The following TBR1 variants were observed in gnomAD, a reference collection of about 807,000 sequenced individuals.
The protein encoded by TBR1 is T-box brain transcription factor 1.
Under a neutral mutation model 60.3 loss-of-function variants are expected in TBR1, and 7 were observed. The observed-to-expected ratio is 0.12, with a 90% CI of 0.07 to 0.22. The LOEUF (loss-of-function observed/expected upper bound fraction) is 0.22. Ranked by LOEUF, TBR1 falls within the 10% of genes least tolerant of loss-of-function variation. The probability of loss-of-function intolerance (pLI) is 1.00; values close to 1 mark genes in which losing one functional copy is unlikely to be tolerated. For synonymous variants in TBR1, 417 were observed against 409.9 expected (o/e 1.02, Z -0.21); for missense variants, 616 against 936.8 (o/e 0.66, Z 4.47).
Position 161,417,808 on chromosome 2 carries a change from C to T in TBR1, c.825C>T (p.Gly275=). The T allele has an allele frequency of 6.2e-7, 1 of 1,614,098 alleles. No homozygotes were observed. Among genetic ancestry groups the T allele is most frequent in the Non-Finnish European group, 8.5e-7 (1 of 1,180,030 alleles). ...RFQGGKWVPC[G]KADTNVQGNR... is the part of the protein sequence containing the mutation. The stretch of plus-strand genomic sequence containing the variant: ...AAGGAGGCAAATGGGTTCCTTGCGG[C>T]AAAGCGGACACCAATGTGCAAGGCA... Residue 275 remains glycine (G), a synonymous_variant, in exon 2 of 6, where the codon GGC becomes GGT. Transcript: ENST00000389554. This position sits in a 1 kb window ranked among gnomAD's most constrained non-coding sequence, Gnocchi z 5.3.
intron 5 of TBR1, chr2:161,421,023 T>C (rs1426465202): frequency 6.6e-6 from 1 of 152,310 alleles, no homozygotes; most frequent in East Asian, 1.9e-4. Context: ...GGCTGTTCTC[T>C]GGGGCCAACA....
In TBR1 at chr2:161,424,108, G is replaced by T; in HGVS notation, c.1930G>T (p.Asp644Tyr). The change falls in exon 6 of 6, where the codon GAC becomes TAC. Residue 644 changes from aspartate (D) to tyrosine (Y), a missense_variant. Physicochemically the swap from Asp to Tyr is radical, Grantham distance 160. Transcript: ENST00000389554. This position sits in a 1 kb window ranked among gnomAD's most constrained non-coding sequence, Gnocchi z 4.4. ...CAAGCGGAGGCGGATCTCGCCGGCC[G>T]ACACGCCCGTGTCCGAGAGTTCGTC... is the stretch of plus-strand genomic sequence containing the variant. ...QAKRRRISPA[D>Y]TPVSESSSPL... 6.2e-7 allele frequency: 1 copy of T among 1,612,266 alleles called. No homozygotes were observed. The highest frequency in any genetic ancestry group is 1.3e-5 in the African/African-American group (1 of 75,048).
intron 4 of TBR1, 190 bp from the exon 5 acceptor site, chr2:161,420,006 T>G (rs544616576): frequency 4.6e-6 from 2 of 431,114 alleles, no homozygotes; most frequent in East Asian, 7.7e-5. Context: ...AACATGTTCC[T>G]CATAACTTTC....
chr2:161,421,722 G>T (rs55732192), intron 5 of TBR1: 11,643 of 152,176 alleles, frequency 0.077, 565 homozygotes, highest in East Asian at 0.14. Context: ...TTTGCACCTT[G>T]CTAGTTATGT....
Position 161,423,826 on chromosome 2 carries a change from C to A in TBR1, c.1648C>A (p.Pro550Thr). The change falls in exon 6 of 6, where the codon CCC becomes ACC. Residue 550 changes from proline (P) to threonine (T), a missense_variant. Around this residue, in one of 8 missense-constraint regions of TBR1, gnomAD observed 210 missense variants for 297.4 expected, o/e 0.71. Transcript: ENST00000389554. ...CCCGTCGGGCTGGGGCGCCCGCAGT[C>A]CCCCGCAGTACTGCGGCACCAAGTC... ...ADPSGWGARS[P>T]PQYCGTKSGS... 2 of 1,476,224 alleles carry A rather than the reference C, an allele frequency of 1.4e-6. No homozygotes were observed. The highest frequency in any genetic ancestry group is 1.3e-5 in the South Asian group (1 of 77,058). 91.4% of individuals were successfully genotyped at this position (1,476,224 alleles called of 1,614,324 possible). A position where few individuals can be genotyped will look rare whatever the true frequency, so the allele number is the denominator to read the frequency against.
chr2:161,417,281 GGGGGGACCCCGTTCTAGGAACATAGT>G lies in TBR1; in HGVS notation c.692+183_692+208del. 1 of 667,070 alleles carries G rather than the reference GGGGGGACCCCGTTCTAGGAACATAGT, an allele frequency of 1.5e-6. No homozygotes were observed. Among genetic ancestry groups the G allele is most frequent in the Admixed American group, 3.2e-5 (1 of 31,680 alleles). The allele number at this position is 667,070 out of a possible 1,614,324, so 41.3% of individuals were successfully genotyped here. ...GATAACCGCCAGGGTGATGTTGGTG[GGGGGGACCCCGTTCTAGGAACATAGT>G]GGGAGAGCCAGTCAGTGGCCAGAGG... On this transcript the variant is annotated intron_variant, in intron 1 of 5. Transcript: ENST00000389554. The surrounding 1 kb of genome is among the most constrained non-coding windows in gnomAD (Gnocchi z 5.3).
intron 3 of TBR1, chr2:161,418,636 A>T (rs981229420): frequency 6.3e-5 from 35 of 558,698 alleles, no homozygotes; most frequent in Non-Finnish European, 1.0e-4. Flanking sequence ...GGACTAGGAG[A>T]AGGGCCCTGA....
chr2:161,421,328 A>G (rs535317296), intron 5 of TBR1: 4 of 152,262 alleles, frequency 2.6e-5, no homozygotes, highest in African/African-American at 9.6e-5. Context: ...ATCCCTCCTG[A>G]TATTTTCTAA....
rs767866030 is a variant in TBR1 at position 161,423,666 on chromosome 2, G to T, written c.1488G>T (p.Ala496=). The change falls in exon 6 of 6, where the codon GCG becomes GCT. Residue 496 remains alanine (A), a synonymous_variant. Coordinates refer to ENST00000389554, the MANE Select transcript of TBR1 (RefSeq NM_006593.4). ...VTPANNRLDF[A]ASAYDTATDF... Reference sequence around the variant, plus strand: ...CGGCCAACAACCGGCTGGACTTCGCGGCCTCGGCCTATGACACGGCCACGG... The same window carrying T: ...CGGCCAACAACCGGCTGGACTTCGCTGCCTCGGCCTATGACACGGCCACGG... The T allele has an allele frequency of 6.5e-7, 1 of 1,544,020 alleles. No individual in the cohort carries two copies. The highest frequency in any genetic ancestry group is 1.9e-5 in the Admixed American group (1 of 54,040).
At chr2:161,418,685 C>T (rs972899437) in intron 3 of TBR1, 7 of 682,508 alleles carry the variant, frequency 1.0e-5, no homozygotes, top group Non-Finnish European at 1.6e-5. Context: ...TCCGGTGCCC[C>T]GGCTTATCTT....
chr2:161,417,861 A>G lies in TBR1; in HGVS notation c.847+31A>G, dbSNP rs769751216. On this transcript the variant is annotated intron_variant, in intron 2 of 5. Transcript: ENST00000389554. This position sits in a 1 kb window ranked among gnomAD's most constrained non-coding sequence, Gnocchi z 5.3. ...TCCTTCCAATTAACACATTTTCTTG[A>G]CACTTATTTAGGTGAGAATGATTAA... 2.5e-6 allele frequency: 4 copies of G among 1,610,012 alleles called. No individual in the cohort carries two copies. The African/African-American group carries it at 5.4e-5, about 22-fold the overall frequency.
At chr2:161,420,102 T>TTAAG in intron 4 of TBR1, 94 bp from the exon 5 acceptor site, 2 of 1,096,014 alleles carry the variant, frequency 1.8e-6, no homozygotes, top group South Asian at 2.9e-5. Flanking sequence ...ATTGTAGGCC[T>TTAAG]TAAGCCCCTG....
Position 161,417,475 on chromosome 2 carries a change from A to G in TBR1, c.693-201A>G. 1 of 706,986 alleles carries G rather than the reference A, an allele frequency of 1.4e-6. No individual in the cohort carries two copies. The highest frequency in any genetic ancestry group is 2.8e-5 in the East Asian group (1 of 35,614). 43.8% of individuals were successfully genotyped at this position (706,986 alleles called of 1,614,324 possible). A position where few individuals can be genotyped will look rare whatever the true frequency, so the allele number is the denominator to read the frequency against. ...GTGATAACTGCCACCTTCCCACTCC[A>G]GCTCACCCGCCGCTCTCCCTGATTT... On this transcript the variant is annotated intron_variant, in intron 1 of 5. Coordinates refer to ENST00000389554, the MANE Select transcript of TBR1 (RefSeq NM_006593.4). The surrounding 1 kb of genome is among the most constrained non-coding windows in gnomAD (Gnocchi z 5.3).
At chr2:161,423,289 T>C in intron 5 of TBR1, 80 bp from the exon 6 acceptor site, 1 of 1,098,062 alleles carries the variant, frequency 9.1e-7, no homozygotes, top group Non-Finnish European at 1.3e-6. Flanking sequence ...GGAGGTGGCC[T>C]TCCCTTCTGC....
At chr2:161,418,106 G>GTT in intron 2 of TBR1, 95 bp from the exon 3 acceptor site, 1 of 1,415,290 alleles carries the variant, frequency 7.1e-7, no homozygotes, top group South Asian at 1.5e-5. Flanking sequence ...ATGTGTGTGT[G>GTT]TGTGTGTGTG....
Position 161,423,426 on chromosome 2 carries a change from C to T in TBR1, c.1248C>T (p.Arg416=), listed in dbSNP as rs750602067. 17 of 1,600,226 alleles carry T rather than the reference C, an allele frequency of 1.1e-5. No individual in the cohort carries two copies. Among genetic ancestry groups the T allele is most frequent in the Non-Finnish European group, 1.3e-5 (15 of 1,174,002 alleles). The change falls in exon 6 of 6, where the codon CGC becomes CGT. Residue 416 remains arginine, a synonymous_variant. Coordinates refer to ENST00000389554, the MANE Select transcript of TBR1 (RefSeq NM_006593.4). ...RLTPSPNDSP[R]SQIVPGARYA... ...CCCCCTCGCCCAACGACTCGCCGCG[C>T]TCGCAGATCGTGCCCGGGGCCCGCT...
chr2:161,423,516 CCCGGG>C lies in TBR1; in HGVS notation c.1340_1344del (p.Pro447ArgfsTer53). On this transcript the variant is annotated frameshift_variant, in exon 6 of 6. Coordinates refer to ENST00000389554, the MANE Select transcript of TBR1 (RefSeq NM_006593.4). LOFTEE classifies it high-confidence loss of function. ...GCAACTACGCCAAGGCCCGCTTCCA[CCCGGG>C]CGCGGGCGCGGGCCCCGGGCCGGGT... 1 of 1,585,998 alleles carries C rather than the reference CCCGGG, an allele frequency of 6.3e-7. No homozygotes were observed. The highest frequency in any genetic ancestry group is 1.4e-5 in the African/African-American group (1 of 72,330).
At position 161,423,392 on chromosome 2, in the gene TBR1, A is replaced by G; in HGVS notation, c.1214A>G (p.Asp405Gly). 1 of 1,555,390 alleles carries G rather than the reference A, an allele frequency of 6.4e-7. No homozygotes were observed. Among genetic ancestry groups the G allele is most frequent in the Non-Finnish European group, 8.7e-7 (1 of 1,151,250 alleles). The change falls in exon 6 of 6, where the codon GAC becomes GGC. Residue 405 changes from aspartate (D) to glycine (G), a missense_variant. Coordinates refer to ENST00000389554, the MANE Select transcript of TBR1 (RefSeq NM_006593.4). ...AGGATCTACACCGGCTGTGACATGGACCGCCTGACCCCCTCGCCCAACGAC... is the reference window on the plus strand; with the variant it reads ...AGGATCTACACCGGCTGTGACATGGGCCGCCTGACCCCCTCGCCCAACGAC... ...YDTIYTGCDM[D>G]RLTPSPNDSP...
chr2:161,423,625 C>T lies in TBR1; in HGVS notation c.1447C>T (p.Arg483Cys). 6.5e-7 allele frequency: 1 copy of T among 1,537,778 alleles called. No individual in the cohort carries two copies. Among genetic ancestry groups the T allele is most frequent in the Non-Finnish European group, 8.7e-7 (1 of 1,150,084 alleles). Reference protein sequence around the residue: ...AEDPGAPSPQRWFVTPANNRL... With the variant: ...AEDPGAPSPQCWFVTPANNRL... ...GGACCCGGGCGCGCCCTCGCCGCAA[C>T]GCTGGTTTGTGACGCCGGCCAACAA... The change falls in exon 6 of 6, where the codon CGC (arginine) becomes TGC (cysteine). Residue 483 changes from arginine (R) to cysteine (C), a missense_variant. By Grantham distance (180) the Arg-to-Cys change is radical. This residue lies in a region of TBR1 where 210 missense variants were observed against 297.4 expected (regional missense o/e 0.71). Transcript: ENST00000389554.
Sources: gnomAD v4.1 joint callset for allele counts on GRCh38, gnomAD v4.1.1 for gene constraint, gnomAD v4.1.1 regional missense constraint, Gnocchi (gnomAD v3.1) non-coding constraint, MANE v1.5 for transcripts, NCBI Gene and HGNC (gene_info 2026-07-23, HGNC 2026-07-21) for gene names.